The following SEPTIN9 variants were observed in gnomAD, a reference collection of about 807,000 sequenced individuals.
The protein encoded by SEPTIN9 is septin 9, also known as septin-9.
In SEPTIN9, 13 loss-of-function variants were observed where a neutral mutation model predicts 56.6. The ratio of observed to expected loss-of-function variants is 0.23; its 90% CI spans 0.15 to 0.37. The LOEUF is 0.37. SEPTIN9 is among the 10% of genes least tolerant of loss of function. SEPTIN9 has a pLI of 1.00. For missense variants in SEPTIN9, 650 were observed against 823.1 expected (o/e 0.79, Z 2.57); for synonymous variants, 332 against 334.1 (o/e 0.99, Z 0.07).
At chr17:77,363,108 G>A (rs954289055) in intron 2 of SEPTIN9, among the ~76,000 whole-genome samples, 2 of 152,236 alleles carry the variant, frequency 1.3e-5, no homozygotes, top group Non-Finnish European at 2.9e-5. Context: ...TGCACCAGGT[G>A]ACAGAGGCTG....
intron 2 of SEPTIN9, among the ~76,000 whole-genome samples, chr17:77,399,490 G>A (rs992166395): frequency 3.3e-5 from 5 of 152,150 alleles, no homozygotes; most frequent in Non-Finnish European, 4.4e-5. Context: ...AGAGGACCGC[G>A]GGAGGCCCTG....
At chr17:77,338,067 C>A (rs1219056210) in intron 2 of SEPTIN9, among the ~76,000 whole-genome samples, 1 of 152,004 alleles carries the variant, frequency 6.6e-6, no homozygotes, top group Non-Finnish European at 1.5e-5. Flanking sequence ...TGTGGTGGCA[C>A]ATGCCTGTAG....
chr17:77,332,794 G>A (rs920268985), intron 2 of SEPTIN9, among the ~76,000 whole-genome samples: 4 of 152,160 alleles, frequency 2.6e-5, no homozygotes, highest in African/African-American at 9.7e-5. Flanking sequence ...TGCTGCAGGT[G>A]CCAGCGATTT....
At chr17:77,490,949 C>A in intron 8 of SEPTIN9, 90 bp downstream of exon 8, 1 of 1,043,810 alleles carries the variant, frequency 9.6e-7, no homozygotes, top group Non-Finnish European at 1.4e-6. Context: ...AAAGGAGTCA[C>A]ACTGTCAGGG....
chr17:77,394,446 G>A (rs1026042049), intron 2 of SEPTIN9, among the ~76,000 whole-genome samples: 4 of 152,178 alleles, frequency 2.6e-5, no homozygotes, highest in Non-Finnish European at 5.9e-5. Flanking sequence ...TAGATAGCCA[G>A]TGTTTCTTCA....
Position 77,367,832 on chromosome 17 carries a change from T to C in SEPTIN9, c.77-34227T>C, listed in dbSNP as rs1568017266. On this transcript the variant is annotated intron_variant, in intron 2 of 11. Coordinates refer to ENST00000427177, the MANE Select transcript of SEPTIN9 (RefSeq NM_001113491.2). This position sits in a 1 kb window ranked among gnomAD's most constrained non-coding sequence, Gnocchi z 4.5. ...CTGTCTAAAATAATAATAATGCTAA[T>C]AATAAATAAAATAATAATAATAAAA... 6.6e-6 allele frequency among the ~76,000 whole-genome samples: 1 copy of C among 151,844 alleles called. No individual in the cohort carries two copies. Among genetic ancestry groups the C allele is most frequent in the Non-Finnish European group, 1.5e-5 (1 of 67,968 alleles).
At chr17:77,358,776 A>T (rs1255409219) in intron 2 of SEPTIN9, among the ~76,000 whole-genome samples, 1 of 152,234 alleles carries the variant, frequency 6.6e-6, no homozygotes, top group Non-Finnish European at 1.5e-5. Flanking sequence ...CCAGGGGCTC[A>T]GCGTATAAAG....
chr17:77,478,619 C>T (rs751034635), intron 3 of SEPTIN9, among the ~76,000 whole-genome samples: 35 of 152,194 alleles, frequency 2.3e-4, no homozygotes, highest in Non-Finnish European at 4.1e-4. Context: ...CCAGCCTGAC[C>T]AGCATGGAGA....
In SEPTIN9 at chr17:77,313,934, C is replaced by G. The variant is rs1265874001; in HGVS notation, c.76+6737C>G. Among the ~76,000 whole-genome samples, 1 of 151,974 alleles carries G rather than the reference C, an allele frequency of 6.6e-6. No individual in the cohort carries two copies. The highest frequency in any genetic ancestry group is 1.5e-5 in the Non-Finnish European group (1 of 68,012). On this transcript the variant is annotated intron_variant, in intron 2 of 11. Coordinates refer to ENST00000427177, the MANE Select transcript of SEPTIN9 (RefSeq NM_001113491.2). This position sits in a 1 kb window ranked among gnomAD's most constrained non-coding sequence, Gnocchi z 4.5. ...AATGTTTTCAGGCTAGGCATGGTGA[C>G]CCATGCCTGTAATCCCAGTACTTTT...
chr17:77,453,996 T>G lies in SEPTIN9; in HGVS notation c.722-28148T>G, dbSNP rs2038085267. ...TTCCGTTATCTGGTTCTTCTGTACA[T>G]GTAAGCCTTTCCCATACACCCCGGA... On this transcript the variant is annotated intron_variant, in intron 3 of 11. Coordinates refer to ENST00000427177, the MANE Select transcript of SEPTIN9 (RefSeq NM_001113491.2). This position sits in a 1 kb window ranked among gnomAD's most constrained non-coding sequence, Gnocchi z 4.4. The G allele has an allele frequency of 1.1e-6, 1 of 937,690 alleles. No individual in the cohort carries two copies. The highest frequency in any genetic ancestry group is 1.8e-5 in the African/African-American group (1 of 56,282). 58.1% of individuals were successfully genotyped at this position (937,690 alleles called of 1,614,324 possible). A position where few individuals can be genotyped will look rare whatever the true frequency, so the allele number is the denominator to read the frequency against.
chr17:77,430,716 G>C (rs1362932358), intron 3 of SEPTIN9, among the ~76,000 whole-genome samples: 1 of 152,284 alleles, frequency 6.6e-6, no homozygotes, highest in African/African-American at 2.4e-5. Flanking sequence ...GCAGGCCGAG[G>C]GTGGTGGCTC....
intron 2 of SEPTIN9, among the ~76,000 whole-genome samples, chr17:77,358,257 C>T (rs945853493): frequency 6.6e-6 from 1 of 152,220 alleles, no homozygotes; most frequent in African/African-American, 2.4e-5. Context: ...CACGTGTTTA[C>T]TTGCTGTTCC....
intron 2 of SEPTIN9, among the ~76,000 whole-genome samples, chr17:77,325,803 A>C (rs1414886951): frequency 6.6e-6 from 1 of 152,052 alleles, no homozygotes; most frequent in Non-Finnish European, 1.5e-5. Context: ...GCCACCCCTC[A>C]TGATCTGGAC....
intron 8 of SEPTIN9, among the ~76,000 whole-genome samples, chr17:77,491,805 C>CAAAAA (rs35233871): frequency 1.7e-5 from 1 of 59,578 alleles, no homozygotes; most frequent in Non-Finnish European, 3.2e-5. Context: ...GACTCCATCT[C>CAAAAA]AAAAAAAAAA....
At chr17:77,307,325 TC>T in intron 2 of SEPTIN9, 128 bp downstream of exon 2, 1 of 870,814 alleles carries the variant, frequency 1.1e-6, no homozygotes, top group Non-Finnish European at 1.9e-6. Flanking sequence ...CTTGCCCATT[TC>T]CCAGGGAGAC....
chr17:77,370,562 A>G (rs2034689259), intron 2 of SEPTIN9, among the ~76,000 whole-genome samples: 1 of 152,224 alleles, frequency 6.6e-6, no homozygotes, highest in South Asian at 2.1e-4. Context: ...CTCGTTGTGC[A>G]CTGAAGACGC....
At chr17:77,471,890 C>G (rs2039011386) in intron 3 of SEPTIN9, among the ~76,000 whole-genome samples, 1 of 152,084 alleles carries the variant, frequency 6.6e-6, no homozygotes. Context: ...ATTCCCTGAC[C>G]CTCCCTCTGC....
chr17:77,426,343 G>A (rs1036050133), intron 3 of SEPTIN9, among the ~76,000 whole-genome samples: 2 of 152,036 alleles, frequency 1.3e-5, no homozygotes, highest in Non-Finnish European at 2.9e-5. Context: ...GTGCCCCCCC[G>A]AGCCCCCGGA....
rs1381996621 is a variant in SEPTIN9, at chr17:77,450,708, C to G, written c.722-31436C>G. 1 of 986,080 alleles carries G rather than the reference C, an allele frequency of 1.0e-6. No individual in the cohort carries two copies. The highest frequency in any genetic ancestry group is 1.7e-5 in the African/African-American group (1 of 57,220). The allele number at this position is 986,080 out of a possible 1,614,324, so 61.1% of individuals were successfully genotyped here. A position where few individuals can be genotyped will look rare whatever the true frequency, so the allele number is the denominator to read the frequency against. ...GAAGAGACTGACTCACTGGCCAGGT[C>G]CCCCAGGGGCTGGAGAGGCTGGAGA... On this transcript the variant is annotated intron_variant, in intron 3 of 11. Coordinates refer to ENST00000427177, the MANE Select transcript of SEPTIN9 (RefSeq NM_001113491.2). The surrounding 1 kb of genome is among the most constrained non-coding windows in gnomAD (Gnocchi z 6.0).
Sources: gnomAD v4.1 joint callset for allele counts (sites outside exome capture counted in the v4.1 genomes callset) on GRCh38, gnomAD v4.1.1 for gene constraint, Gnocchi (gnomAD v3.1) non-coding constraint, MANE v1.5 for transcripts, NCBI Gene and HGNC (gene_info 2026-07-23, HGNC 2026-07-21) for gene names.